Variants in TRAFD1 observed in about 807,000 individuals in gnomAD.
TRAFD1 encodes TRAF-type zinc finger domain-containing protein 1.
TRAFD1 carries 38 observed loss-of-function variants against 65.3 expected under a neutral mutation model. That is an observed-to-expected ratio of 0.58 (90% CI 0.45 to 0.76). The LOEUF (loss-of-function observed/expected upper bound fraction) is 0.76. Among genes scored for constraint, TRAFD1 ranks in the 30% least tolerant of loss-of-function variants. The pLI is 0.00. For synonymous variants in TRAFD1, 223 were observed against 257.2 expected, an observed-to-expected ratio of 0.87 and a Z score of 1.27; for missense variants, 631 against 712.6, an observed-to-expected ratio of 0.89 and a Z score of 1.30.
In TRAFD1 at chr12:112,151,947, T is replaced by G; in HGVS notation, c.1426T>G (p.Cys476Gly). ...SRSTSGPRPG[C>G]QPSSPCVPKL... ...ATCAACATCAGGCCCCAGACCTGGG[T>G]GCCAGCCCAGCTCTCCTTGTGTGCC... Residue 476 changes from cysteine (C) to glycine (G), a missense_variant, in exon 10 of 12, where the codon TGC (cysteine) becomes GGC (glycine). Coordinates refer to ENST00000412615, the MANE Select transcript of TRAFD1 (RefSeq NM_006700.3). The G allele has an allele frequency of 6.2e-7, 1 of 1,614,202 alleles. No individual in the cohort carries two copies. Among genetic ancestry groups the G allele is most frequent in the Non-Finnish European group, 8.5e-7 (1 of 1,180,032 alleles).
Position 112,142,154 on chromosome 12 carries a change from A to G in TRAFD1, c.709A>G (p.Ser237Gly). The change falls in exon 6 of 12, where the codon AGT becomes GGT. Residue 237 changes from serine (S) to glycine (G), a missense_variant. Ser to Gly is a moderately conservative substitution (Grantham distance 56, BLOSUM62 0). Coordinates refer to ENST00000412615, the MANE Select transcript of TRAFD1 (RefSeq NM_006700.3). Reference protein sequence around the residue: ...QQPPKEGGEESANLDFMLALS... With the variant: ...QQPPKEGGEEGANLDFMLALS... The stretch of plus-strand genomic sequence containing the variant: ...GCCCCCCAAAGAGGGTGGTGAAGAG[A>G]GTGCAAACTTGGACTTCATGTTGGC... 6.2e-7 allele frequency: 1 copy of G among 1,613,948 alleles called. No individual in the cohort carries two copies. The highest frequency in any genetic ancestry group is 8.5e-7 in the Non-Finnish European group (1 of 1,179,980).
chr12:112,141,325 G>A (rs985545519), intron 5 of TRAFD1, 101 bp downstream of exon 5: 11 of 1,351,926 alleles, frequency 8.1e-6, no homozygotes, highest in African/African-American at 7.3e-5. Flanking sequence ...ATAGAAACCC[G>A]ACTGTAGCTG....
intron 1 of TRAFD1, among the ~76,000 whole-genome samples, chr12:112,126,905 C>T (rs887081729): frequency 1.3e-5 from 2 of 152,140 alleles, no homozygotes; most frequent in African/African-American, 4.8e-5. Context: ...CTGCCCACCT[C>T]GCCCTCCCAA....
Position 112,130,752 on chromosome 12 carries a change from G to A in TRAFD1, c.47+183G>A, listed in dbSNP as rs568551755. On this transcript the variant is annotated intron_variant, in intron 2 of 11. Coordinates refer to ENST00000412615, the MANE Select transcript of TRAFD1 (RefSeq NM_006700.3). The surrounding 1 kb of genome is among the most constrained non-coding windows in gnomAD (Gnocchi z 4.4). ...ATCTCTTTCCTGATGAAATGAAACC[G>A]GTTGTAAAGTTAATAATCAGCTGGT... Among the ~76,000 whole-genome samples the A allele has an allele frequency of 1.3e-5, 2 of 152,280 alleles. No homozygotes were observed. Among genetic ancestry groups the A allele is most frequent in the Admixed American group, 6.5e-5 (1 of 15,280 alleles).
Position 112,126,550 on chromosome 12 carries a change from C to T in TRAFD1, c.-13+932C>T, listed in dbSNP as rs559873598. On this transcript the variant is annotated intron_variant, in intron 1 of 11. Coordinates refer to ENST00000412615, the MANE Select transcript of TRAFD1 (RefSeq NM_006700.3). ...TTGCATCTAGAAAAGCAAGCACCTG[C>T]TACATCTGAGCTCTGGCCTTAGAGT... Among the ~76,000 whole-genome samples the T allele has an allele frequency of 2.6e-5, 4 of 152,290 alleles. No homozygotes were observed. In the East Asian group the frequency reaches 7.7e-4, roughly 29 times the overall value.
chr12:112,145,323 A>G (rs2030208709), intron 6 of TRAFD1, among the ~76,000 whole-genome samples: 1 of 152,196 alleles, frequency 6.6e-6, no homozygotes, highest in Admixed American at 6.5e-5. Context: ...TCCTTAGAGT[A>G]GTGAGTAGCA....
intron 7 of TRAFD1, among the ~76,000 whole-genome samples, chr12:112,146,031 AG>A (rs2030232621): frequency 1.3e-5 from 1 of 79,426 alleles, no homozygotes; most frequent in African/African-American, 5.0e-5. Context: ...GGGTTGGGGG[AG>A]GGGGGAGGGA....
At chr12:112,139,347 C>CA (rs1373467037) in intron 4 of TRAFD1, among the ~76,000 whole-genome samples, 16 of 148,116 alleles carry the variant, frequency 1.1e-4, no homozygotes, top group Non-Finnish European at 2.2e-4. Flanking sequence ...GATCCTGTCT[C>CA]AAAAAAAAGA....
intron 9 of TRAFD1, 69 bp downstream of exon 9, chr12:112,149,940 C>T: frequency 6.3e-7 from 1 of 1,595,050 alleles, no homozygotes; most frequent in Non-Finnish European, 8.6e-7. Flanking sequence ...TACCACTTCC[C>T]ATCCACTGCT....
chr12:112,140,419 CAAA>C (rs548396276), intron 4 of TRAFD1, among the ~76,000 whole-genome samples: 6 of 69,182 alleles, frequency 8.7e-5, no homozygotes, highest in African/African-American at 1.4e-4. Context: ...GACACTGTCT[CAAA>C]AAAAAAAAAA....
In TRAFD1 at chr12:112,151,880, AC is replaced by A. The variant is rs1264832222; in HGVS notation, c.1362del (p.Ile455LeufsTer4). 1 of 1,614,132 alleles carries A rather than the reference AC, an allele frequency of 6.2e-7. No individual in the cohort carries two copies. Among genetic ancestry groups the A allele is most frequent in the South Asian group, 1.1e-5 (1 of 91,082 alleles). On this transcript the variant is annotated frameshift_variant, in exon 10 of 12. Coordinates refer to ENST00000412615, the MANE Select transcript of TRAFD1 (RefSeq NM_006700.3). LOFTEE classifies it high-confidence loss of function. ...GPTSCLPPSR[P>X]INNMTATYNQ... ...CCACCTCCTGTCTGCCTCCCAGCCGACCCATTAACAATATGACAGCTACCTA... is the reference window on the plus strand; with the variant it reads ...CCACCTCCTGTCTGCCTCCCAGCCGACCATTAACAATATGACAGCTACCTA...
In TRAFD1 at chr12:112,140,932, C is replaced by G; in HGVS notation, c.351C>G (p.Gly117=). 6.2e-7 allele frequency: 1 copy of G among 1,614,150 alleles called. No homozygotes were observed. The highest frequency in any genetic ancestry group is 8.5e-7 in the Non-Finnish European group (1 of 1,180,038). The part of the protein sequence containing the change: ...DYCGARTELC[G]NCGRNVLVKD... ...GTGGTGCCCGGACGGAACTATGTGG[C>G]AACTGTGGTCGCAATGTCCTTGTGA... Residue 117 remains glycine (G), a synonymous_variant, in exon 5 of 12, where the codon GGC becomes GGG. Coordinates refer to ENST00000412615, the MANE Select transcript of TRAFD1 (RefSeq NM_006700.3).
rs187448607 is a variant in TRAFD1, at chr12:112,136,321, G to A, written c.237+1255G>A. ...TGAGATGGAATCTTGTTCCCGTCTT[G>A]CAGGCTGGAGTGCGGTGGTGCAGTC... On this transcript the variant is annotated intron_variant, in intron 4 of 11. Coordinates refer to ENST00000412615, the MANE Select transcript of TRAFD1 (RefSeq NM_006700.3). Among the ~76,000 whole-genome samples, 148 of 143,978 alleles carry A rather than the reference G, an allele frequency of 1.0e-3. No individual in the cohort carries two copies. The East Asian group carries it at 0.011, about 11-fold the overall frequency. 94.5% of individuals were successfully genotyped at this position (143,978 alleles called of 152,430 possible). A position where few individuals can be genotyped will look rare whatever the true frequency, so the allele number is the denominator to read the frequency against.
rs1399798254 is a variant in TRAFD1, at chr12:112,145,762, A to T, written c.927+100A>T. 3 of 1,018,644 alleles carry T rather than the reference A, an allele frequency of 2.9e-6. No homozygotes were observed. In the Middle Eastern group the frequency reaches 6.4e-4, roughly 216 times the overall value. The allele number at this position is 1,018,644 out of a possible 1,614,324, so 63.1% of individuals were successfully genotyped here. A position where few individuals can be genotyped will look rare whatever the true frequency, so the allele number is the denominator to read the frequency against. The stretch of plus-strand genomic sequence containing the variant: ...GCCTTGAACAAATCATTTTAATACA[A>T]TGCCCATAGTAGGAATAGCAAGTGT... On this transcript the variant is annotated intron_variant, in intron 7 of 11. Transcript: ENST00000412615.
chr12:112,145,050 T>A (rs968443426), intron 6 of TRAFD1, among the ~76,000 whole-genome samples: 2 of 152,312 alleles, frequency 1.3e-5, no homozygotes, highest in African/African-American at 4.8e-5. Flanking sequence ...CCCGCCATTG[T>A]TCACCCTCCC....
chr12:112,142,398 G>A, intron 6 of TRAFD1, 103 bp downstream of exon 6: 1 of 1,362,490 alleles, frequency 7.3e-7, no homozygotes, highest in Non-Finnish European at 9.9e-7. Flanking sequence ...AATAGAATTT[G>A]CCTTACTCTT....
chr12:112,133,142 T>C (rs1176391699), intron 2 of TRAFD1: 3 of 152,214 alleles, frequency 2.0e-5, no homozygotes, highest in African/African-American at 7.2e-5. Context: ...TTGTATAGCT[T>C]AGATATGATC....
In TRAFD1 at chr12:112,128,983, A is replaced by G. The variant is rs369684291; in HGVS notation, c.-12-1528A>G. 8.1e-5 allele frequency among the ~76,000 whole-genome samples: 12 copies of G among 148,684 alleles called. No individual in the cohort carries two copies. The East Asian group carries it at 1.4e-3, about 18-fold the overall frequency. ...TGAGCCGAGATCGCAGTGAGCCGAG[A>G]TCGCACCACTGCACTCCAGCCTAGA... On this transcript the variant is annotated intron_variant, in intron 1 of 11. Transcript: ENST00000412615.
chr12:112,134,311 G>GTT (rs1197105787), intron 2 of TRAFD1, among the ~76,000 whole-genome samples: 1,787 of 124,048 alleles, frequency 0.014, 51 homozygotes, highest in African/African-American at 0.049. Context: ...CGCCCGGCCA[G>GTT]TTTTTTTTTT....
Sources: allele counts gnomAD v4.1 joint callset (sites outside exome capture counted in the v4.1 genomes callset), GRCh38; gene constraint gnomAD v4.1.1; non-coding constraint Gnocchi (gnomAD v3.1); transcripts MANE v1.5; gene names NCBI Gene and HGNC (gene_info 2026-07-23, HGNC 2026-07-21).